Variants in TUBGCP4 observed in about 807,000 individuals in gnomAD.
TUBGCP4 encodes the protein tubulin gamma complex component 4, also known as gamma-tubulin complex component 4.
TUBGCP4 carries 54 observed loss-of-function variants against 91.6 expected under a neutral mutation model. The observed-to-expected ratio is 0.59, with a 90% CI of 0.47 to 0.74. The LOEUF (loss-of-function observed/expected upper bound fraction) is 0.74. TUBGCP4 is among the 30% of genes least tolerant of loss of function. TUBGCP4 has a pLI of 0.00. For missense variants in TUBGCP4, 593 were observed against 800.9 expected (o/e 0.74, Z 3.13); for synonymous variants, 297 against 302.8 (o/e 0.98, Z 0.20).
At chr15:43,375,643 A>G (rs1295800881) in intron 1 of TUBGCP4, among the ~76,000 whole-genome samples, 1 of 152,218 alleles carries the variant, frequency 6.6e-6, no homozygotes. Flanking sequence ...ACTGGAATGA[A>G]AACAATGAAA....
chr15:43,376,778 C>T (rs960004043), intron 3 of TUBGCP4, among the ~76,000 whole-genome samples, 153 bp downstream of exon 3: 4 of 152,194 alleles, frequency 2.6e-5, no homozygotes, highest in African/African-American at 9.7e-5. Flanking sequence ...ATTGCCCAAC[C>T]TGTGATCAGA....
chr15:43,398,375 C>T, intron 13 of TUBGCP4, 196 bp downstream of exon 13: 1 of 406,592 alleles, frequency 2.5e-6, no homozygotes, highest in Non-Finnish European at 4.0e-6. Context: ...GTAAGACCCC[C>T]ATCTCATAAA....
In TUBGCP4 at chr15:43,398,179, A is replaced by C; in HGVS notation, c.1418A>C (p.Lys473Thr). ...CTCTTCACCCCAGCTGTCCTGGAAA[A>C]GTGAGTATTTCTGAGTTTCTCACAG... ...HILFTPAVLE[K>T]YNVVFKYLLS... Residue 473 changes from lysine to threonine, a missense_variant and splice_region_variant, in exon 13 of 18, where the codon AAG (lysine) becomes ACG (threonine). Coordinates refer to ENST00000564079, the MANE Select transcript of TUBGCP4 (RefSeq NM_014444.5). 6.2e-7 allele frequency: 1 copy of C among 1,609,860 alleles called. No individual in the cohort carries two copies.
Position 43,409,636 on chromosome 15 carries a change from A to G in TUBGCP4, c.*4422A>G. ...TGCCACTATATTAGGTTACACAAAG[A>G]AACTCCTCACCTGGGCTTCATTGAA... On this transcript the variant is annotated 3_prime_UTR_variant, in exon 18 of 18. Coordinates refer to ENST00000564079, the MANE Select transcript of TUBGCP4 (RefSeq NM_014444.5). 1 of 1,488,430 alleles carries G rather than the reference A, an allele frequency of 6.7e-7. No individual in the cohort carries two copies. Among genetic ancestry groups the G allele is most frequent in the Non-Finnish European group, 9.1e-7 (1 of 1,103,880 alleles). The allele number at this position is 1,488,430 out of a possible 1,614,324, so 92.2% of individuals were successfully genotyped here. A position where few individuals can be genotyped will look rare whatever the true frequency, so the allele number is the denominator to read the frequency against.
At chr15:43,398,517 G>A (rs2044618388) in intron 13 of TUBGCP4, 1 of 172,710 alleles carries the variant, frequency 5.8e-6, no homozygotes, top group Non-Finnish European at 1.2e-5. Flanking sequence ...CCACAGATAT[G>A]AGACACGGAG....
intron 9 of TUBGCP4, among the ~76,000 whole-genome samples, chr15:43,392,262 T>C (rs1474601814): frequency 1.3e-5 from 2 of 152,012 alleles, no homozygotes; most frequent in East Asian, 1.9e-4. Context: ...CTGAGAAATA[T>C]ATATAAAACT....
intron 7 of TUBGCP4, among the ~76,000 whole-genome samples, chr15:43,385,164 C>T (rs947637675): frequency 6.6e-6 from 1 of 152,104 alleles, no homozygotes; most frequent in African/African-American, 2.4e-5. Context: ...GCCTGGGGCT[C>T]ATGAGAGCAC....
At chr15:43,378,214 T>C (rs2044236952) in intron 5 of TUBGCP4, among the ~76,000 whole-genome samples, 1 of 152,180 alleles carries the variant, frequency 6.6e-6, no homozygotes, top group Non-Finnish European at 1.5e-5. Flanking sequence ...TTTAGAACTG[T>C]TGGGTGTGAA....
At chr15:43,371,753 T>C (rs1350942058) in intron 1 of TUBGCP4, among the ~76,000 whole-genome samples, 1 of 152,176 alleles carries the variant, frequency 6.6e-6, no homozygotes, top group Non-Finnish European at 1.5e-5. Context: ...CTATTTATTT[T>C]CACACGTGCA....
At chr15:43,402,145 G>T in intron 15 of TUBGCP4, 1 of 249,310 alleles carries the variant, frequency 4.0e-6, no homozygotes, top group Non-Finnish European at 7.9e-6. Context: ...TAGGTGTGGT[G>T]GCTCGCGCCT....
intron 9 of TUBGCP4, among the ~76,000 whole-genome samples, chr15:43,390,446 CTT>C (rs1469639790): frequency 6.7e-6 from 1 of 150,166 alleles, no homozygotes; most frequent in Non-Finnish European, 1.5e-5. Flanking sequence ...TTTAGAATTT[CTT>C]TTTATTGTTT....
At chr15:43,384,255 A>G (rs2044324756) in intron 7 of TUBGCP4, among the ~76,000 whole-genome samples, 1 of 152,246 alleles carries the variant, frequency 6.6e-6, no homozygotes, top group African/African-American at 2.4e-5. Flanking sequence ...GGTGCTACAA[A>G]TAAAAAGTAG....
intron 17 of TUBGCP4, 98 bp downstream of exon 17, chr15:43,404,650 C>T: frequency 7.6e-7 from 1 of 1,313,372 alleles, no homozygotes; most frequent in Non-Finnish European, 1.1e-6. Flanking sequence ...GTCCAAATAC[C>T]CTCATTTTAT....
At chr15:43,401,311 C>T (rs953758370) in intron 14 of TUBGCP4, among the ~76,000 whole-genome samples, 3 of 151,980 alleles carry the variant, frequency 2.0e-5, no homozygotes, top group African/African-American at 4.8e-5. Context: ...ATTAGCCATG[C>T]GTGGTAGCGG....
Position 43,374,587 on chromosome 15 carries a change from G to A in TUBGCP4, c.79-1511G>A, listed in dbSNP as rs188757050. Reference sequence around the variant, plus strand: ...TGAACCCACCACTGTATTCCAGTCTGGGTGACAGAGTGAAACCTTGTCTCT... The same window carrying A: ...TGAACCCACCACTGTATTCCAGTCTAGGTGACAGAGTGAAACCTTGTCTCT... On this transcript the variant is annotated intron_variant, in intron 1 of 17. Transcript: ENST00000564079. Among the ~76,000 whole-genome samples, 229 of 152,174 alleles carry A rather than the reference G, an allele frequency of 1.5e-3. No homozygotes were observed. In the Middle Eastern group the frequency reaches 0.02, roughly 14 times the overall value.
At chr15:43,371,651 G>T (rs1001628627) in intron 1 of TUBGCP4, among the ~76,000 whole-genome samples, 1 of 152,168 alleles carries the variant, frequency 6.6e-6, no homozygotes, top group African/African-American at 2.4e-5. Flanking sequence ...ACCTCGAAGA[G>T]CCCCACCTGT....
Position 43,404,506 on chromosome 15 carries a change from C to A in TUBGCP4, c.1942C>A (p.Leu648Ile). The change falls in exon 17 of 18, where the codon CTA (leucine) becomes ATA (isoleucine). Residue 648 changes from leucine (L) to isoleucine (I), a missense_variant. Physicochemically the swap from Leu to Ile is conservative, Grantham distance 5 (BLOSUM62 2). Coordinates refer to ENST00000564079, the MANE Select transcript of TUBGCP4 (RefSeq NM_014444.5). ...NSDLAQLLLR[L>I]DYNKYYTQAG... ...AGATTTGGCTCAACTACTGTTACGA[C>A]TAGATTATAACAAATACTATACCCA... 3.1e-6 allele frequency: 5 copies of A among 1,614,136 alleles called. No homozygotes were observed. The highest frequency in any genetic ancestry group is 4.2e-6 in the Non-Finnish European group (5 of 1,180,016).
chr15:43,400,375 T>TA, intron 14 of TUBGCP4, among the ~76,000 whole-genome samples, 154 bp downstream of exon 14: 1 of 151,898 alleles, frequency 6.6e-6, no homozygotes. Context: ...TTTCTTAAAA[T>TA]AAAAAAAGCA....
At chr15:43,393,905 CACT>C (rs1240549073) in intron 9 of TUBGCP4, among the ~76,000 whole-genome samples, 1 of 152,096 alleles carries the variant, frequency 6.6e-6, no homozygotes, top group East Asian at 1.9e-4. Context: ...TGGGATTCCC[CACT>C]GTCTTTTTCA....
Sources: allele counts gnomAD v4.1 joint callset (sites outside exome capture counted in the v4.1 genomes callset), GRCh38; gene constraint gnomAD v4.1.1; transcripts MANE v1.5; gene names NCBI Gene and HGNC (gene_info 2026-07-23, HGNC 2026-07-21).